UROS: variants seen among roughly 807,000 people sequenced by gnomAD.
UROS encodes the protein uroporphyrinogen-III synthase.
UROS carries 18 observed loss-of-function variants against 33.0 expected under a neutral mutation model. That is an observed-to-expected ratio of 0.55 (90% CI 0.38 to 0.81). The LOEUF (loss-of-function observed/expected upper bound fraction) is 0.81. UROS is among the 30% of genes least tolerant of loss of function. The pLI is 0.00. For missense variants in UROS, 293 were observed against 314.9 expected (o/e 0.93, Z 0.53); for synonymous variants, 114 against 121.1 (o/e 0.94, Z 0.38).
intron 6 of UROS, among the ~76,000 whole-genome samples, chr10:125,806,853 C>T (rs1852381632): frequency 6.6e-6 from 1 of 152,172 alleles, no homozygotes; most frequent in Admixed American, 6.5e-5. Context: ...CTTCCCATCC[C>T]TCTTGCTCCA....
rs1345615797 is a variant in UROS at position 125,788,852 on chromosome 10, G to A, written c.*16C>T. The A allele has an allele frequency of 6.4e-7, 1 of 1,572,420 alleles. No homozygotes were observed. The highest frequency in any genetic ancestry group is 2.3e-5 in the East Asian group (1 of 42,994). ...AGCCCAGGGAGGCTGCATGGGGCCA[G>A]CGCTAGGTGGCTGACTCAGCAGCAG... On this transcript the variant is annotated 3_prime_UTR_variant, in exon 10 of 10. Transcript: ENST00000368797.
chr10:125,812,132 T>G (rs1589991312), intron 5 of UROS, 82 bp downstream of exon 5: 1 of 1,373,708 alleles, frequency 7.3e-7, no homozygotes, highest in Middle Eastern at 1.8e-4. Context: ...AAAATAATAT[T>G]TTTAAACTGA....
intron 5 of UROS, among the ~76,000 whole-genome samples, chr10:125,811,678 T>C (rs1852824637): frequency 6.6e-6 from 1 of 152,220 alleles, no homozygotes; most frequent in Non-Finnish European, 1.5e-5. Flanking sequence ...TTATGACAAT[T>C]GCTAAGCATT....
At chr10:125,804,171 C>CA (rs1852107549) in intron 6 of UROS, among the ~76,000 whole-genome samples, 1 of 152,178 alleles carries the variant, frequency 6.6e-6, no homozygotes. Context: ...GAAGGCCACA[C>CA]AGAGGATCAC....
chr10:125,787,854 C>T (rs757420556), downstream of UROS, among the ~76,000 whole-genome samples: 5 of 152,174 alleles, frequency 3.3e-5, no homozygotes, highest in Admixed American at 1.3e-4. Flanking sequence ...GAATCTCCTA[C>T]GAGGTGGCTG....
chr10:125,821,661 CAG>C (rs1194858070), intron 1 of UROS, among the ~76,000 whole-genome samples: 1 of 152,068 alleles, frequency 6.6e-6, no homozygotes, highest in Non-Finnish European at 1.5e-5. Flanking sequence ...TATAAAGAAA[CAG>C]GAAAAAAAAT....
At chr10:125,807,602 ATG>A in intron 5 of UROS, 115 bp from the exon 6 acceptor site, 2 of 816,388 alleles carry the variant, frequency 2.4e-6, no homozygotes, top group Non-Finnish European at 4.1e-6. Context: ...CACATAGAGG[ATG>A]TCTTTTCTTG....
At chr10:125,800,996 T>A (rs547553827) in intron 6 of UROS, among the ~76,000 whole-genome samples, 1 of 152,348 alleles carries the variant, frequency 6.6e-6, no homozygotes, top group Middle Eastern at 3.4e-3. Flanking sequence ...AAGTCCTGCA[T>A]CAATGACACT....
Position 125,808,055 on chromosome 10 carries a change from G to T in UROS, c.320-568C>A, listed in dbSNP as rs193091644. ...GGGACCCACAGCGCTACAAATACAA[G>T]TCATTTAGGATGAGGGGCTATACCA... On this transcript the variant is annotated intron_variant, in intron 5 of 9. Coordinates refer to ENST00000368797, the MANE Select transcript of UROS (RefSeq NM_000375.3). Among the ~76,000 whole-genome samples, 526 of 152,316 alleles carry T rather than the reference G, an allele frequency of 3.5e-3. 2 individuals are homozygous for T. Among genetic ancestry groups the T allele is most frequent in the Non-Finnish European group, 6.0e-3 (406 of 68,032 alleles).
At chr10:125,805,006 T>C (rs148733111) in intron 6 of UROS, among the ~76,000 whole-genome samples, 1 of 152,320 alleles carries the variant, frequency 6.6e-6, no homozygotes, top group East Asian at 1.9e-4. Flanking sequence ...AACTGACTTG[T>C]TCTCCTGTGA....
intron 1 of UROS, among the ~76,000 whole-genome samples, chr10:125,822,442 C>A (rs563153497): frequency 1.3e-5 from 2 of 152,184 alleles, no homozygotes; most frequent in East Asian, 3.9e-4. Context: ...CCTGCCTTAG[C>A]CTCCTGAGTA....
At chr10:125,789,394 C>T (rs1177482978) in intron 9 of UROS, 3 of 1,146,240 alleles carry the variant, frequency 2.6e-6, no homozygotes, top group East Asian at 1.2e-4. Flanking sequence ...GTGGCAGGGG[C>T]AGTGACTGAA....
chr10:125,797,125 AGAT>A (rs1486011033), intron 7 of UROS, among the ~76,000 whole-genome samples: 1 of 152,220 alleles, frequency 6.6e-6, no homozygotes, highest in Non-Finnish European at 1.5e-5. Context: ...TTTAGAAGAC[AGAT>A]GATATGGGTA....
intron 1 of UROS, among the ~76,000 whole-genome samples, chr10:125,821,396 T>C (rs1355749993): frequency 4.6e-5 from 7 of 152,236 alleles, no homozygotes; most frequent in African/African-American, 1.4e-4. Flanking sequence ...AGGAAGAATA[T>C]TGTGTTACTC....
At chr10:125,813,968 C>T (rs1405155192) in intron 4 of UROS, among the ~76,000 whole-genome samples, 1 of 152,232 alleles carries the variant, frequency 6.6e-6, no homozygotes, top group Non-Finnish European at 1.5e-5. Context: ...GGATGCTTTC[C>T]TTTGGGACTC....
chr10:125,794,975 C>T lies in UROS; in HGVS notation c.565G>A (p.Val189Ile), dbSNP rs774946335. 7 of 1,613,722 alleles carry T rather than the reference C, an allele frequency of 4.3e-6. No individual in the cohort carries two copies. The highest frequency in any genetic ancestry group is 5.1e-6 in the Non-Finnish European group (6 of 1,179,754). ...CTAAAAAATGTGATGCTGGCTGGAA[C>T]CCCCTGTGGGGAACAGAAAACAAGA... ...NLNSYYSQQG[V>I]PASITFFSPS... Residue 189 changes from valine (V) to isoleucine (I), a missense_variant, in exon 9 of 10, where the codon GTT becomes ATT. Transcript: ENST00000368797.
chr10:125,787,565 G>A (rs1850671343), downstream of UROS, among the ~76,000 whole-genome samples: 1 of 152,126 alleles, frequency 6.6e-6, no homozygotes, highest in Admixed American at 6.5e-5. Context: ...ACTCTCTGGG[G>A]GTGGGGCCTG....
chr10:125,788,069 C>T (rs551237314), downstream of UROS, among the ~76,000 whole-genome samples: 59 of 152,168 alleles, frequency 3.9e-4, 2 homozygotes, highest in African/African-American at 2.4e-5. Context: ...AGCCCAAATG[C>T]CTTTCAGCCA....
chr10:125,822,061 A>G (rs1301960881), intron 1 of UROS, among the ~76,000 whole-genome samples: 1 of 152,198 alleles, frequency 6.6e-6, no homozygotes, highest in Non-Finnish European at 1.5e-5. Context: ...AGCGCAGCTC[A>G]CACCATTCCT....
Sources: allele counts gnomAD v4.1 joint callset (sites outside exome capture counted in the v4.1 genomes callset), GRCh38; gene constraint gnomAD v4.1.1; transcripts MANE v1.5; gene names NCBI Gene and HGNC (gene_info 2026-07-23, HGNC 2026-07-21).